The following DNAH10 variants were observed in gnomAD, a reference collection of about 807,000 sequenced individuals.
The protein encoded by DNAH10 is dynein axonemal heavy chain 10.
In DNAH10, 348 loss-of-function variants were observed where a neutral mutation model predicts 506.6. That is an observed-to-expected ratio of 0.69 (90% CI 0.63 to 0.75). DNAH10 has a LOEUF of 0.75. DNAH10 is among the 30% of genes least tolerant of loss of function. The pLI, the probability that DNAH10 is intolerant of heterozygous loss-of-function variation, is 0.00. For synonymous variants in DNAH10, 2,059 were observed against 2,198.6 expected (o/e 0.94, Z 1.78); for missense variants, 5,179 against 5,787.1 (o/e 0.89, Z 3.41).
chr12:123,800,129 T>A (rs1207568660), intron 14 of DNAH10, 87 bp from the exon 15 acceptor site: 2 of 1,390,504 alleles, frequency 1.4e-6, no homozygotes, highest in Non-Finnish European at 1.9e-6. Flanking sequence ...TGTTGATCTT[T>A]TTCATGTTCA....
intron 54 of DNAH10, among the ~76,000 whole-genome samples, chr12:123,895,129 G>C (rs923620455): frequency 1.3e-5 from 2 of 152,236 alleles, no homozygotes; most frequent in African/African-American, 4.8e-5. Flanking sequence ...TATGAGTACT[G>C]TTCGGCTCTT....
chr12:123,934,190 G>A lies in DNAH10; in HGVS notation c.13478-431G>A, dbSNP rs149999937. 8.4e-4 allele frequency: 589 copies of A among 700,746 alleles called. 6 individuals are homozygous for A. The highest frequency in any genetic ancestry group is 5.7e-3 in the African/African-American group (325 of 57,326). 43.4% of individuals were successfully genotyped at this position (700,746 alleles called of 1,614,324 possible). On this transcript the variant is annotated intron_variant, in intron 77 of 78. Coordinates refer to ENST00000673944, the MANE Select transcript of DNAH10 (RefSeq NM_001372106.1). ...GCACATCTGCTGGGTCCTCCTCCCC[G>A]GAGACCACTTTCTCTGTGAGGCTTC...
At position 123,796,797 on chromosome 12, in the gene DNAH10, G is replaced by A. The variant is rs1958291734; in HGVS notation, c.2128G>A (p.Val710Ile). 1 of 1,613,926 alleles carries A rather than the reference G, an allele frequency of 6.2e-7. No individual in the cohort carries two copies. Residue 710 changes from valine (V) to isoleucine (I), a missense_variant, in exon 13 of 79, where the codon GTA (valine) becomes ATA (isoleucine). Coordinates refer to ENST00000673944, the MANE Select transcript of DNAH10 (RefSeq NM_001372106.1). ...IKHTILRFQE[V>I]QEILDSDRGQ... Reference sequence around the variant, plus strand: ...GCATACCATCCTCCGATTTCAAGAGGTACAAGAGATACTGGACAGTGATCG... The same window carrying A: ...GCATACCATCCTCCGATTTCAAGAGATACAAGAGATACTGGACAGTGATCG...
Position 123,893,134 on chromosome 12 carries a change from AC to A in DNAH10, c.8996-97del. ...CCACACGCTGCTCTCTGGACTCAGC[AC>A]CTGCTGATCTTTCCACACCTTCCAT... On this transcript the variant is annotated intron_variant, in intron 52 of 78. Transcript: ENST00000673944. The A allele has an allele frequency of 6.2e-6, 8 of 1,283,880 alleles. No homozygotes were observed. In the South Asian group the frequency reaches 9.2e-5, roughly 15 times the overall value. 79.5% of individuals were successfully genotyped at this position (1,283,880 alleles called of 1,614,324 possible).
chr12:123,848,929 T>A (rs375427072), intron 34 of DNAH10, 47 bp downstream of exon 34: 1 of 1,600,120 alleles, frequency 6.2e-7, no homozygotes, highest in Non-Finnish European at 8.5e-7. Context: ...GATGGAAGTT[T>A]GCCAAGTATG....
intron 2 of DNAH10, among the ~76,000 whole-genome samples, chr12:123,767,948 C>A (rs1436934533): frequency 6.6e-6 from 1 of 152,192 alleles, no homozygotes; most frequent in African/African-American, 2.4e-5. Context: ...AATCAAGGTG[C>A]TGGCAGGGCT....
chr12:123,851,425 T>C (rs1007704074), intron 35 of DNAH10, among the ~76,000 whole-genome samples: 2 of 151,370 alleles, frequency 1.3e-5, no homozygotes, highest in Non-Finnish European at 2.9e-5. Context: ...GCTCTTTGAT[T>C]TTTGTTTTTT....
chr12:123,881,965 T>C (rs1952530594), intron 51 of DNAH10, 152 bp downstream of exon 51: 8 of 722,494 alleles, frequency 1.1e-5, no homozygotes, highest in Non-Finnish European at 1.6e-5. Flanking sequence ...TATTTTTTCT[T>C]GTTTTTGGCT....
intron 52 of DNAH10, among the ~76,000 whole-genome samples, chr12:123,888,473 TATAAG>T (rs1232341084): frequency 6.6e-6 from 1 of 152,126 alleles, no homozygotes; most frequent in Non-Finnish European, 1.5e-5. Flanking sequence ...CAGCTGTCCT[TATAAG>T]AGAAGGCAGA....
chr12:123,875,158 T>G, intron 46 of DNAH10, 73 bp from the exon 47 acceptor site: 1 of 1,503,534 alleles, frequency 6.7e-7, no homozygotes, highest in Middle Eastern at 1.9e-4. Flanking sequence ...TGAGCTGGGA[T>G]GGTCAGCCAA....
intron 24 of DNAH10, among the ~76,000 whole-genome samples, chr12:123,823,163 T>A (rs1317279883): frequency 2.6e-5 from 4 of 152,240 alleles, no homozygotes; most frequent in Non-Finnish European, 4.4e-5. Context: ...GGCTTTTGCC[T>A]GGTGCAGAAC....
At chr12:123,896,302 C>A (rs1953241095) in intron 54 of DNAH10, among the ~76,000 whole-genome samples, 1 of 152,154 alleles carries the variant, frequency 6.6e-6, no homozygotes, top group Admixed American at 6.5e-5. Context: ...GTTTTGCTAA[C>A]CCCGGAGTAA....
intron 11 of DNAH10, among the ~76,000 whole-genome samples, chr12:123,791,465 A>G (rs1325171297): frequency 1.3e-5 from 2 of 152,198 alleles, no homozygotes; most frequent in Non-Finnish European, 2.9e-5. Context: ...AACCCTAGAC[A>G]GTTCTACTTG....
chr12:123,774,507 G>A lies in DNAH10; in HGVS notation c.621+243G>A, dbSNP rs558109146. Among the ~76,000 whole-genome samples, 31 of 152,096 alleles carry A rather than the reference G, an allele frequency of 2.0e-4. 1 individual carries two copies. In the South Asian group the frequency reaches 6.2e-3, roughly 31 times the overall value. On this transcript the variant is annotated intron_variant, in intron 5 of 78. Transcript: ENST00000673944. ...GGTGTCTCACAGCCTTCAGAGCTGA[G>A]AGCCGCAAACAGAGATTTACCCACA...
intron 25 of DNAH10, among the ~76,000 whole-genome samples, chr12:123,827,650 T>C (rs2136469450): frequency 6.6e-6 from 1 of 152,376 alleles, no homozygotes; most frequent in Admixed American, 6.5e-5. Context: ...TTCCAAAGTG[T>C]GGTCATCTAG....
rs1257697181 is a variant in DNAH10 at position 123,907,837 on chromosome 12, C to T, written c.9816-1424C>T. Among the ~76,000 whole-genome samples, 1 of 152,224 alleles carries T rather than the reference C, an allele frequency of 6.6e-6. No homozygotes were observed. ...CCCCGCCGCTTTCCTAAGCAGCCAA[C>T]ACCAGCGTGATCGAGCCTTTTCCCG... On this transcript the variant is annotated intron_variant, in intron 57 of 78. Transcript: ENST00000673944. This position sits in a 1 kb window ranked among gnomAD's most constrained non-coding sequence, Gnocchi z 4.4.
chr12:123,870,379 C>T lies in DNAH10; in HGVS notation c.7533C>T (p.Thr2511=), dbSNP rs141266824. The T allele has an allele frequency of 1.4e-5, 22 of 1,613,534 alleles. No homozygotes were observed. The highest frequency in any genetic ancestry group is 1.7e-5 in the Admixed American group (1 of 59,954). ...GATTTCCTGCAGGTCAACTTCCAAC[C>T]TTGTATGACTTTCATTTTGATAACA... The part of the protein sequence containing the change: ...NPGELPGQLP[T]LYDFHFDNKR... The change falls in exon 44 of 79, where the codon ACC becomes ACT. Residue 2511 remains threonine, a synonymous_variant. Coordinates refer to ENST00000673944, the MANE Select transcript of DNAH10 (RefSeq NM_001372106.1).
chr12:123,864,109 C>G (rs1223265133), intron 39 of DNAH10, among the ~76,000 whole-genome samples: 1 of 141,580 alleles, frequency 7.1e-6, no homozygotes, highest in African/African-American at 2.6e-5. Flanking sequence ...TTCCCTCATT[C>G]TTAAATATTG....
At chr12:123,935,302 C>G (rs749635487) in intron 78 of DNAH10, 33 bp from the exon 79 acceptor site, 2 of 1,590,784 alleles carry the variant, frequency 1.3e-6, no homozygotes, top group Non-Finnish European at 8.6e-7. Context: ...ACCCTCTCTC[C>G]GTGGGGGCAT....
Sources: gnomAD v4.1 joint callset for allele counts (sites outside exome capture counted in the v4.1 genomes callset) on GRCh38, gnomAD v4.1.1 for gene constraint, Gnocchi (gnomAD v3.1) non-coding constraint, MANE v1.5 for transcripts, NCBI Gene and HGNC (gene_info 2026-07-23, HGNC 2026-07-21) for gene names.